Variants in ROBO2 observed in about 807,000 individuals in gnomAD.
ROBO2 encodes roundabout guidance receptor 2.
A neutral mutation model predicts 160.8 loss-of-function variants in ROBO2; 53 were observed. The ratio of observed to expected loss-of-function variants is 0.33; its 90% CI spans 0.26 to 0.41. ROBO2 has a LOEUF of 0.41. Among genes scored for constraint, ROBO2 ranks in the 10% least tolerant of loss-of-function variants. The probability of loss-of-function intolerance (pLI) is 1.00; values close to 1 mark genes in which losing one functional copy is unlikely to be tolerated. For missense variants in ROBO2, 1,577 were observed against 1,722.4 expected (o/e 0.92, Z 1.49); for synonymous variants, 664 against 611.7 (o/e 1.09, Z -1.26).
At chr3:76,653,356 C>T (rs2091339499) in intron 2 of ROBO2, among the ~76,000 whole-genome samples, 1 of 150,904 alleles carries the variant, frequency 6.6e-6, no homozygotes, top group Non-Finnish European at 1.5e-5. Flanking sequence ...TTTTCTAAAG[C>T]ATGCTCTGCT....
chr3:76,357,171 T>A (rs2075222158), intron 2 of ROBO2, among the ~76,000 whole-genome samples: 1 of 151,878 alleles, frequency 6.6e-6, no homozygotes, highest in Non-Finnish European at 1.5e-5. Context: ...TTAAAAAAAA[T>A]GAAATCATGT....
chr3:76,089,078 G>A (rs1166016237), intron 2 of ROBO2, among the ~76,000 whole-genome samples: 1 of 151,928 alleles, frequency 6.6e-6, no homozygotes, highest in Non-Finnish European at 1.5e-5. Context: ...TCCAAATTGG[G>A]TAATCCAAAT....
chr3:76,562,951 C>T (rs2084292567), intron 2 of ROBO2, among the ~76,000 whole-genome samples: 1 of 151,998 alleles, frequency 6.6e-6, no homozygotes, highest in African/African-American at 2.4e-5. Context: ...CTTTCTCCTT[C>T]CTTCCTTCTT....
chr3:76,084,687 A>G (rs2068949578), intron 2 of ROBO2, among the ~76,000 whole-genome samples: 2 of 152,068 alleles, frequency 1.3e-5, no homozygotes, highest in Admixed American at 1.3e-4. Context: ...CCATCTTCTC[A>G]TGTCTGTAAA....
chr3:76,699,903 T>C (rs2093011617), intron 2 of ROBO2, among the ~76,000 whole-genome samples: 1 of 152,140 alleles, frequency 6.6e-6, no homozygotes, highest in African/African-American at 2.4e-5. Flanking sequence ...CTATGGATAT[T>C]GCTGCTAAAT....
intron 2 of ROBO2, among the ~76,000 whole-genome samples, chr3:76,909,851 C>T (rs2075856671): frequency 6.6e-6 from 1 of 152,172 alleles, no homozygotes; most frequent in African/African-American, 2.4e-5. Flanking sequence ...CATTTCTTCT[C>T]CTTGTCATAA....
At chr3:77,126,525 C>T (rs1037987209) in intron 2 of ROBO2, among the ~76,000 whole-genome samples, 4 of 152,038 alleles carry the variant, frequency 2.6e-5, no homozygotes, top group Middle Eastern at 3.4e-3. Flanking sequence ...AAATATATAT[C>T]GGCTTATTTT....
intron 2 of ROBO2, among the ~76,000 whole-genome samples, chr3:77,019,688 G>A (rs2062504460): frequency 6.6e-6 from 1 of 152,160 alleles, no homozygotes; most frequent in South Asian, 2.1e-4. Flanking sequence ...TGATTTTCAG[G>A]ATTTTATCAC....
intron 2 of ROBO2, among the ~76,000 whole-genome samples, chr3:77,321,943 G>A (rs994683666): frequency 7.9e-5 from 12 of 152,160 alleles, no homozygotes; most frequent in African/African-American, 2.7e-4. Flanking sequence ...CAGTGCACGG[G>A]TATTTTCCAT....
rs145052349 is a variant in ROBO2 at position 76,458,851 on chromosome 3, A to G, written c.109+521249A>G. Among the ~76,000 whole-genome samples, 330 of 152,212 alleles carry G rather than the reference A, an allele frequency of 2.2e-3. 1 individual carries two copies. The highest frequency in any genetic ancestry group is 7.2e-3 in the African/African-American group (299 of 41,556). ...ACTTATTCACTATCATGAAAATAGC[A>G]TGGGAAAGACCAGCCCCCATGATTG... On this transcript the variant is annotated intron_variant, in intron 2 of 26. Coordinates refer to the ROBO2 transcript ENST00000487694.
At chr3:77,127,155 C>T (rs1370328929) in intron 2 of ROBO2, among the ~76,000 whole-genome samples, 1 of 152,032 alleles carries the variant, frequency 6.6e-6, no homozygotes, top group Non-Finnish European at 1.5e-5. Flanking sequence ...TCCACCTGCT[C>T]CTCATAGTCT....
At chr3:77,604,292 G>T in intron 20 of ROBO2, among the ~76,000 whole-genome samples, 1 of 152,054 alleles carries the variant, frequency 6.6e-6, no homozygotes, top group East Asian at 1.9e-4. Flanking sequence ...TCTCACAATT[G>T]TTCTGAATAA....
chr3:76,128,435 G>T (rs1390049678), intron 2 of ROBO2, among the ~76,000 whole-genome samples: 1 of 152,026 alleles, frequency 6.6e-6, no homozygotes, highest in Non-Finnish European at 1.5e-5. Context: ...TCAGACCAAT[G>T]GAATTATATT....
At chr3:76,291,046 C>T (rs568709182) in intron 2 of ROBO2, among the ~76,000 whole-genome samples, 1 of 152,214 alleles carries the variant, frequency 6.6e-6, no homozygotes, top group African/African-American at 2.4e-5. Flanking sequence ...CAGAATGATG[C>T]TTGCCTCACT....
intron 2 of ROBO2, among the ~76,000 whole-genome samples, chr3:76,989,010 T>A (rs2060527734): frequency 6.6e-6 from 1 of 152,106 alleles, no homozygotes; most frequent in South Asian, 2.1e-4. Context: ...ATTTGTCCTG[T>A]ATTTTCATAT....
At chr3:75,932,476 A>G (rs1280240581) in intron 1 of ROBO2, among the ~76,000 whole-genome samples, 4 of 152,192 alleles carry the variant, frequency 2.6e-5, no homozygotes, top group Admixed American at 6.5e-5. Context: ...ATTTATTACA[A>G]TATGTATTTC....
At chr3:77,205,487 G>A (rs917187909) in intron 2 of ROBO2, among the ~76,000 whole-genome samples, 4 of 151,920 alleles carry the variant, frequency 2.6e-5, no homozygotes, top group African/African-American at 7.3e-5. Flanking sequence ...GGAGCCTGGG[G>A]TTGGGAGTTT....
At chr3:76,547,788 C>T (rs1007843057) in intron 2 of ROBO2, among the ~76,000 whole-genome samples, 7 of 152,128 alleles carry the variant, frequency 4.6e-5, no homozygotes, top group South Asian at 2.1e-4. Context: ...TAGAAAATCA[C>T]GTTACTCATC....
At chr3:77,215,121 T>C (rs984313863) in intron 2 of ROBO2, among the ~76,000 whole-genome samples, 37 of 152,238 alleles carry the variant, frequency 2.4e-4, no homozygotes, top group African/African-American at 8.7e-4. Context: ...ATTTGAATGT[T>C]GGCCTGCCTT....
Sources: gnomAD v4.1 joint callset for allele counts (sites outside exome capture counted in the v4.1 genomes callset) on GRCh38, gnomAD v4.1.1 for gene constraint, MANE v1.5 for transcripts, NCBI Gene and HGNC (gene_info 2026-07-23, HGNC 2026-07-21) for gene names.